RGS8: variants seen among roughly 807,000 people sequenced by gnomAD.
The protein encoded by RGS8 is regulator of G protein signaling 8.
RGS8 carries 8 observed loss-of-function variants against 21.7 expected under a neutral mutation model. The observed-to-expected ratio is 0.37, with a 90% CI of 0.22 to 0.66. RGS8 has a LOEUF of 0.66. RGS8 is among the 30% of genes least tolerant of loss of function. RGS8 has a pLI of 0.59. For synonymous variants in RGS8, 80 were observed against 83.6 expected (o/e 0.96, Z 0.24); for missense variants, 157 against 217.9 (o/e 0.72, Z 1.76).
At chr1:182,649,567 T>C (rs1481636347) in intron 5 of RGS8, among the ~76,000 whole-genome samples, 2 of 152,258 alleles carry the variant, frequency 1.3e-5, no homozygotes, top group Non-Finnish European at 2.9e-5. Context: ...ATATGGCTTT[T>C]CATTTTTATT....
chr1:182,712,331 A>G, the RGS8 span, among the ~76,000 whole-genome samples: 22 of 152,228 alleles, frequency 1.4e-4, no homozygotes, highest in African/African-American at 5.3e-4. Flanking sequence ...ATGTCAATCC[A>G]TGGCCACATT....
chr1:182,650,935 A>G (rs1277710673), intron 5 of RGS8, among the ~76,000 whole-genome samples: 2 of 152,210 alleles, frequency 1.3e-5, no homozygotes, highest in Non-Finnish European at 2.9e-5. Context: ...GAGAAAGTAG[A>G]ATATAATGTA....
rs375607728 is a variant in RGS8 at position 182,648,067 on chromosome 1, A to T, written c.360+70T>A. 2.3e-4 allele frequency: 322 copies of T among 1,390,786 alleles called. 4 individuals are homozygous for T. In the South Asian group the frequency reaches 4.8e-3, roughly 21 times the overall value. The allele number at this position is 1,390,786 out of a possible 1,614,324, so 86.2% of individuals were successfully genotyped here. On this transcript the variant is annotated intron_variant, in intron 6 of 6. Transcript: ENST00000483095. ...AAAGTCCTCATCAAGCCTGGCTCAG[A>T]TCCTCTCTGAGGAGAGAAATGCAAG...
chr1:182,674,465 G>GC (rs1181187404), upstream of RGS8, among the ~76,000 whole-genome samples: 2 of 152,114 alleles, frequency 1.3e-5, no homozygotes, highest in Non-Finnish European at 2.9e-5. Context: ...ACTAGTCCAA[G>GC]CTTTTTTTTT....
intron 5 of RGS8, among the ~76,000 whole-genome samples, chr1:182,651,832 C>A (rs1222870648): frequency 6.6e-6 from 1 of 152,202 alleles, no homozygotes; most frequent in South Asian, 2.1e-4. Flanking sequence ...GCTGTGGAAG[C>A]CTCAGTGCTC....
chr1:182,742,108 G>A, the RGS8 span, among the ~76,000 whole-genome samples: 7 of 144,298 alleles, frequency 4.9e-5, no homozygotes, highest in East Asian at 2.0e-4. Context: ...ACAGGGCGGC[G>A]GGGCAGAGGT....
chr1:182,732,091 A>G, the RGS8 span, among the ~76,000 whole-genome samples: 1 of 152,156 alleles, frequency 6.6e-6, no homozygotes, highest in Non-Finnish European at 1.5e-5. Flanking sequence ...GAAAGAACCA[A>G]CATTGGTGAC....
At chr1:182,668,677 T>G (rs928933373) in intron 3 of RGS8, among the ~76,000 whole-genome samples, 15 of 152,226 alleles carry the variant, frequency 9.9e-5, no homozygotes, top group African/African-American at 3.1e-4. Flanking sequence ...TGCTCCCACC[T>G]TGAATCTCAG....
At chr1:182,715,085 A>G in the RGS8 span, among the ~76,000 whole-genome samples, 3 of 152,236 alleles carry the variant, frequency 2.0e-5, no homozygotes, top group Admixed American at 2.0e-4. Flanking sequence ...GTTGTATGGG[A>G]ACATCAGTGA....
intron 5 of RGS8, 99 bp from the exon 7 acceptor site, chr1:182,648,402 A>C (rs1287479028): frequency 1.6e-6 from 2 of 1,282,982 alleles, no homozygotes; most frequent in Non-Finnish European, 2.2e-6. Flanking sequence ...GGGTGCCCCT[A>C]ATTGTCCAAG....
At chr1:182,706,100 A>G in the RGS8 span, among the ~76,000 whole-genome samples, 2 of 151,926 alleles carry the variant, frequency 1.3e-5, no homozygotes, top group African/African-American at 4.8e-5. Context: ...CTCCCACTTC[A>G]GCCTCCCAAG....
At chr1:182,667,115 C>CAG (rs878969296) in intron 3 of RGS8, 142 bp from the exon 5 acceptor site, 2 of 661,314 alleles carry the variant, frequency 3.0e-6, no homozygotes, top group South Asian at 3.4e-5. Flanking sequence ...ACTTCATGAA[C>CAG]AGGAAGAGAC....
chr1:182,720,967 G>GTA, the RGS8 span, among the ~76,000 whole-genome samples: 2 of 45,996 alleles, frequency 4.3e-5, no homozygotes, highest in African/African-American at 1.0e-4. Flanking sequence ...ACATATGTGT[G>GTA]TATATATACA....
intron 3 of RGS8, among the ~76,000 whole-genome samples, chr1:182,667,791 CTCTT>C (rs1198845134): frequency 1.3e-5 from 2 of 152,160 alleles, no homozygotes; most frequent in Admixed American, 6.5e-5. Context: ...ACTCTAATGT[CTCTT>C]TCTGACTCCC....
the RGS8 span, among the ~76,000 whole-genome samples, chr1:182,730,138 T>C: frequency 1.3e-5 from 2 of 152,192 alleles, no homozygotes; most frequent in Non-Finnish European, 2.9e-5. Flanking sequence ...CCTTTTCATA[T>C]CTTTTTCTTA....
At chr1:182,716,433 TTATTTA>T in the RGS8 span, among the ~76,000 whole-genome samples, 314 of 152,066 alleles carry the variant, frequency 2.1e-3, 3 homozygotes, top group Non-Finnish European at 5.0e-4. Flanking sequence ...GCCTGTATTT[TTATTTA>T]TATTATTTTC....
the RGS8 span, among the ~76,000 whole-genome samples, chr1:182,742,612 G>A: frequency 4.6e-5 from 7 of 152,230 alleles, no homozygotes; most frequent in East Asian, 9.6e-4. Flanking sequence ...GGTGGCGCGC[G>A]CCTGCAATCG....
downstream of RGS8, chr1:182,643,323 G>GCCCCCC (rs567593931): frequency 2.9e-3 from 90 of 31,494 alleles, no homozygotes; most frequent in African/African-American, 4.8e-3. Context: ...CCCTCCCCCA[G>GCCCCCC]CCCCCCCGCC....
upstream of RGS8, chr1:182,672,952 CA>C: frequency 1.7e-6 from 2 of 1,153,750 alleles, no homozygotes; most frequent in South Asian, 1.2e-5. Flanking sequence ...ATCAGAAATG[CA>C]AATGTTCAGG....
Sources: gnomAD v4.1 joint callset for allele counts (sites outside exome capture counted in the v4.1 genomes callset) on GRCh38, gnomAD v4.1.1 for gene constraint, MANE v1.5 for transcripts, NCBI Gene and HGNC (gene_info 2026-07-23, HGNC 2026-07-21) for gene names.